Variants in SLC9A9 observed in about 807,000 individuals in gnomAD.
The protein encoded by SLC9A9 is sodium/hydrogen exchanger 9.
In SLC9A9, 62 loss-of-function variants were observed where a neutral mutation model predicts 77.8. That is an observed-to-expected ratio of 0.80 (90% CI 0.65 to 0.98). SLC9A9 has a LOEUF of 0.98. Among genes scored for constraint, SLC9A9 ranks in the 50% least tolerant of loss-of-function variants. SLC9A9 has a pLI of 0.00. For synonymous variants in SLC9A9, 320 were observed against 283.5 expected, an observed-to-expected ratio of 1.13 and a Z score of -1.29; for missense variants, 775 against 774.9, an observed-to-expected ratio of 1.00 and a Z score of 0.00.
intron 12 of SLC9A9, among the ~76,000 whole-genome samples, chr3:143,422,652 A>G (rs1364303942): frequency 6.6e-6 from 1 of 152,230 alleles, no homozygotes; most frequent in Non-Finnish European, 1.5e-5. Context: ...TCCTATGCTC[A>G]TAACTTGGAT....
intron 2 of SLC9A9, among the ~76,000 whole-genome samples, chr3:143,814,944 C>G (rs892479467): frequency 6.6e-6 from 1 of 151,914 alleles, no homozygotes; most frequent in Non-Finnish European, 1.5e-5. Flanking sequence ...CTGGGCCTTT[C>G]ACAGGGCAGG....
Position 143,420,594 on chromosome 3 carries a change from C to T in SLC9A9, c.1470-38480G>A, listed in dbSNP as rs539133645. On this transcript the variant is annotated intron_variant, in intron 12 of 15. Transcript: ENST00000316549. ...GTTAGGTTGTTAACCTATACAATTA[C>T]AGTTTATTATTACTATTATTATTAT... Among the ~76,000 whole-genome samples, 203 of 142,036 alleles carry T rather than the reference C, an allele frequency of 1.4e-3. 2 individuals are homozygous for T. In the South Asian group the frequency reaches 0.024, roughly 17 times the overall value. The allele number at this position is 142,036 out of a possible 152,430, so 93.2% of individuals were successfully genotyped here. A position where few individuals can be genotyped will look rare whatever the true frequency, so the allele number is the denominator to read the frequency against.
intron 2 of SLC9A9, among the ~76,000 whole-genome samples, chr3:143,805,017 G>T (rs181253718): frequency 6.6e-6 from 1 of 152,146 alleles, no homozygotes; most frequent in East Asian, 1.9e-4. Flanking sequence ...AAATCAATCT[G>T]GCCTGGTGTA....
At chr3:143,577,709 G>T (rs780689774) in intron 7 of SLC9A9, among the ~76,000 whole-genome samples, 15 of 152,076 alleles carry the variant, frequency 9.9e-5, no homozygotes, top group Non-Finnish European at 1.2e-4. Context: ...GTGAATGTCT[G>T]GGCAAGACCC....
intron 12 of SLC9A9, among the ~76,000 whole-genome samples, chr3:143,438,994 C>T (rs1279653535): frequency 6.6e-6 from 1 of 152,198 alleles, no homozygotes; most frequent in Admixed American, 6.5e-5. Context: ...TTCTTTAATT[C>T]TTCAGCATTA....
intron 4 of SLC9A9, among the ~76,000 whole-genome samples, chr3:143,724,091 G>A (rs1048816186): frequency 1.3e-5 from 2 of 152,100 alleles, no homozygotes; most frequent in African/African-American, 4.8e-5. Context: ...ATGTTGATAT[G>A]GTTTGGCTCT....
intron 9 of SLC9A9, among the ~76,000 whole-genome samples, chr3:143,501,500 T>A (rs919150565): frequency 1.3e-5 from 2 of 150,956 alleles, no homozygotes; most frequent in African/African-American, 5.0e-5. Context: ...GTTTTCTTTT[T>A]AAGCATAGTA....
At chr3:143,765,179 G>A (rs1239636186) in intron 4 of SLC9A9, among the ~76,000 whole-genome samples, 8 of 126,976 alleles carry the variant, frequency 6.3e-5, no homozygotes, top group African/African-American at 2.4e-4. Context: ...CCTCCCTCAG[G>A]CCCACCCTTC....
At chr3:143,801,935 A>G (rs2008573505) in intron 2 of SLC9A9, among the ~76,000 whole-genome samples, 1 of 152,210 alleles carries the variant, frequency 6.6e-6, no homozygotes, top group Non-Finnish European at 1.5e-5. Flanking sequence ...TCTTTTTAAT[A>G]AAAACTCTTC....
At chr3:143,480,629 C>G (rs185335698) in intron 11 of SLC9A9, among the ~76,000 whole-genome samples, 1 of 152,264 alleles carries the variant, frequency 6.6e-6, no homozygotes, top group Non-Finnish European at 1.5e-5. Flanking sequence ...AATGCCTGCT[C>G]CAAGCTGCGT....
intron 9 of SLC9A9, among the ~76,000 whole-genome samples, chr3:143,537,941 T>A (rs1168094453): frequency 1.3e-5 from 2 of 152,264 alleles, no homozygotes; most frequent in Admixed American, 1.3e-4. Context: ...TGTGTCTGAC[T>A]TCTTTCATTA....
At chr3:143,705,698 C>T (rs1933950681) in intron 4 of SLC9A9, among the ~76,000 whole-genome samples, 1 of 152,114 alleles carries the variant, frequency 6.6e-6, no homozygotes, top group Non-Finnish European at 1.5e-5. Flanking sequence ...TGGTTAAGTG[C>T]TATGGAAAGA....
Position 143,478,224 on chromosome 3 carries a change from G to A in SLC9A9, c.1316-11034C>T, listed in dbSNP as rs2035514924. 2.0e-5 allele frequency among the ~76,000 whole-genome samples: 3 copies of A among 152,316 alleles called. No homozygotes were observed. The South Asian group carries it at 6.2e-4, about 32-fold the overall frequency. ...TGAGAGGAGTGCATTTTAAATACTT[G>A]TTAACACACATGCTTTCACTTCGAC... On this transcript the variant is annotated intron_variant, in intron 11 of 15. Coordinates refer to ENST00000316549, the MANE Select transcript of SLC9A9 (RefSeq NM_173653.4).
In SLC9A9 at chr3:143,484,288, C is replaced by T. The variant is rs180742724; in HGVS notation, c.1315+9365G>A. 1.9e-3 allele frequency among the ~76,000 whole-genome samples: 293 copies of T among 152,268 alleles called. 3 individuals are homozygous for T. The highest frequency in any genetic ancestry group is 6.8e-3 in the African/African-American group (284 of 41,556). Reference sequence around the variant, plus strand: ...CTGGGTTGAGTGGGTTTTGCTCTCACGCACCCAGAAAAGGCCAGACAGTGT... The same window carrying T: ...CTGGGTTGAGTGGGTTTTGCTCTCATGCACCCAGAAAAGGCCAGACAGTGT... On this transcript the variant is annotated intron_variant, in intron 11 of 15. Coordinates refer to ENST00000316549, the MANE Select transcript of SLC9A9 (RefSeq NM_173653.4).
intron 4 of SLC9A9, among the ~76,000 whole-genome samples, chr3:143,773,056 A>AT (rs879428998): frequency 3.9e-5 from 6 of 152,112 alleles, no homozygotes; most frequent in African/African-American, 1.2e-4. Flanking sequence ...CCTTTAAAAC[A>AT]TTTTTTTTGA....
At chr3:143,343,187 A>G (rs2032159644) in intron 14 of SLC9A9, among the ~76,000 whole-genome samples, 1 of 152,208 alleles carries the variant, frequency 6.6e-6, no homozygotes. Context: ...TGTATCCTAT[A>G]GACTTAATAC....
intron 13 of SLC9A9, chr3:143,381,810 T>G: frequency 1.9e-6 from 1 of 514,416 alleles, no homozygotes; most frequent in South Asian, 2.1e-5. Context: ...ATCATATACT[T>G]TGTAAAGTTT....
intron 9 of SLC9A9, among the ~76,000 whole-genome samples, chr3:143,536,311 T>A (rs1311809265): frequency 6.6e-6 from 1 of 152,204 alleles, no homozygotes; most frequent in Admixed American, 6.5e-5. Flanking sequence ...TAGACCCATG[T>A]AAATTACTTA....
At chr3:143,713,186 G>A (rs1199035267) in intron 4 of SLC9A9, among the ~76,000 whole-genome samples, 1 of 152,214 alleles carries the variant, frequency 6.6e-6, no homozygotes, top group African/African-American at 2.4e-5. Flanking sequence ...CGCAAAAGGA[G>A]TGGTAGGATG....
Sources: allele counts gnomAD v4.1 joint callset (sites outside exome capture counted in the v4.1 genomes callset), GRCh38; gene constraint gnomAD v4.1.1; transcripts MANE v1.5; gene names NCBI Gene and HGNC (gene_info 2026-07-23, HGNC 2026-07-21).